EXOC4: variants seen among roughly 807,000 people sequenced by gnomAD.
EXOC4 encodes exocyst complex component 4, also known as SEC8-like 1.
EXOC4 carries 71 observed loss-of-function variants against 107.2 expected under a neutral mutation model. The ratio of observed to expected loss-of-function variants is 0.66; its 90% CI spans 0.55 to 0.81. The LOEUF (loss-of-function observed/expected upper bound fraction) is 0.81. EXOC4 is among the 30% of genes least tolerant of loss of function. The probability of loss-of-function intolerance (pLI) is 0.00; values close to 1 mark genes in which losing one functional copy is unlikely to be tolerated. For missense variants in EXOC4, 1,108 were observed against 1,189.6 expected (o/e 0.93, Z 1.01); for synonymous variants, 456 against 441.2 (o/e 1.03, Z -0.42).
At chr7:133,740,050 A>G (rs541284524) in intron 10 of EXOC4, among the ~76,000 whole-genome samples, 140 of 152,304 alleles carry the variant, frequency 9.2e-4, no homozygotes, top group African/African-American at 3.3e-3. Context: ...AAATTTCATC[A>G]TCAATTTATG....
At chr7:133,865,184 T>C (rs1373403514) in intron 11 of EXOC4, among the ~76,000 whole-genome samples, 1 of 152,172 alleles carries the variant, frequency 6.6e-6, no homozygotes, top group East Asian at 1.9e-4. Flanking sequence ...AGGTGGATTC[T>C]AAGATTTTTA....
At chr7:133,285,537 T>C (rs1794255669) in intron 2 of EXOC4, among the ~76,000 whole-genome samples, 2 of 152,216 alleles carry the variant, frequency 1.3e-5, no homozygotes, top group African/African-American at 4.8e-5. Context: ...AAATCCGATG[T>C]CATTCTGATT....
chr7:134,061,980 C>T (rs1251506302), intron 17 of EXOC4, among the ~76,000 whole-genome samples: 3 of 152,200 alleles, frequency 2.0e-5, no homozygotes, highest in Admixed American at 6.5e-5. Flanking sequence ...ACTGGGGTCT[C>T]ACACCCCTGG....
At chr7:133,670,603 C>T (rs1281691119) in intron 10 of EXOC4, among the ~76,000 whole-genome samples, 1 of 152,154 alleles carries the variant, frequency 6.6e-6, no homozygotes, top group Non-Finnish European at 1.5e-5. Context: ...TCTTCTTCCT[C>T]ACTGTGTAAC....
intron 10 of EXOC4, among the ~76,000 whole-genome samples, chr7:133,674,570 TTC>T (rs1231579052): frequency 6.6e-6 from 1 of 152,204 alleles, no homozygotes; most frequent in African/African-American, 2.4e-5. Context: ...TTTCTAATGT[TTC>T]TGTGTTACTC....
intron 7 of EXOC4, among the ~76,000 whole-genome samples, chr7:133,473,921 C>T (rs1032875995): frequency 5.3e-5 from 8 of 151,992 alleles, no homozygotes; most frequent in Non-Finnish European, 1.0e-4. Flanking sequence ...AGGATGCTCT[C>T]GATCTCCTGA....
At chr7:133,762,313 TA>T (rs1796048543) in intron 10 of EXOC4, among the ~76,000 whole-genome samples, 1 of 152,044 alleles carries the variant, frequency 6.6e-6, no homozygotes, top group Non-Finnish European at 1.5e-5. Flanking sequence ...ACCTAAAAAG[TA>T]AAAATCAAAT....
chr7:133,638,080 A>G (rs972017430), intron 10 of EXOC4, among the ~76,000 whole-genome samples: 1 of 152,150 alleles, frequency 6.6e-6, no homozygotes. Flanking sequence ...AAGATTTTTT[A>G]TCTATTTACA....
intron 3 of EXOC4, among the ~76,000 whole-genome samples, chr7:133,291,655 T>C (rs1399052313): frequency 6.6e-6 from 1 of 152,152 alleles, no homozygotes; most frequent in Non-Finnish European, 1.5e-5. Flanking sequence ...AGTGCTGGGA[T>C]TACAGCCGTG....
At chr7:133,848,712 C>A (rs556169417) in intron 11 of EXOC4, among the ~76,000 whole-genome samples, 1 of 152,312 alleles carries the variant, frequency 6.6e-6, no homozygotes, top group African/African-American at 2.4e-5. Context: ...TCTCTGGGAT[C>A]TAAAATGTTC....
chr7:133,776,417 G>T (rs1412118717), intron 10 of EXOC4, among the ~76,000 whole-genome samples: 1 of 152,058 alleles, frequency 6.6e-6, no homozygotes, highest in Non-Finnish European at 1.5e-5. Context: ...TGAACATCTT[G>T]TCTCTTGTTC....
intron 17 of EXOC4, among the ~76,000 whole-genome samples, chr7:134,042,933 C>T (rs1195172062): frequency 6.6e-6 from 1 of 152,128 alleles, no homozygotes; most frequent in Admixed American, 6.5e-5. Flanking sequence ...GCTACTGGTG[C>T]CGGGGGCTGA....
At chr7:134,097,167 A>G in the EXOC4 span, among the ~76,000 whole-genome samples, 99 of 152,118 alleles carry the variant, frequency 6.5e-4, no homozygotes, top group African/African-American at 2.4e-3. Context: ...AGAAAATCCA[A>G]CTCCCAATGA....
intron 10 of EXOC4, among the ~76,000 whole-genome samples, chr7:133,673,394 A>T (rs185322117): frequency 6.6e-6 from 1 of 152,256 alleles, no homozygotes; most frequent in Non-Finnish European, 1.5e-5. Context: ...TCATCTTTTA[A>T]TTCTTCTGGA....
At chr7:134,088,022 C>A in the EXOC4 span, among the ~76,000 whole-genome samples, 1 of 152,140 alleles carries the variant, frequency 6.6e-6, no homozygotes, top group East Asian at 1.9e-4. Context: ...CCTCAAATAC[C>A]TATAAGTTGA....
At chr7:133,847,889 T>G in intron 11 of EXOC4, among the ~76,000 whole-genome samples, 1 of 141,486 alleles carries the variant, frequency 7.1e-6, no homozygotes, top group Admixed American at 7.1e-5. Flanking sequence ...TTTTTTTTTT[T>G]TTTTTTTTTT....
intron 9 of EXOC4, among the ~76,000 whole-genome samples, chr7:133,523,496 G>T (rs1030033811): frequency 1.3e-5 from 2 of 150,602 alleles, no homozygotes; most frequent in East Asian, 3.9e-4. Context: ...CATTGTGCAG[G>T]TTAGTTACAT....
At chr7:133,761,610 T>C (rs1165100774) in intron 10 of EXOC4, among the ~76,000 whole-genome samples, 1 of 152,194 alleles carries the variant, frequency 6.6e-6, no homozygotes, top group Non-Finnish European at 1.5e-5. Flanking sequence ...GACCTAGGGC[T>C]AGACTATGTT....
In EXOC4 at chr7:133,851,507, T is replaced by C. The variant is rs559462831; in HGVS notation, c.1734+33963T>C. On this transcript the variant is annotated intron_variant, in intron 11 of 17. Transcript: ENST00000253861. ...CAGGGTGGCATGTTTTGATCAGTGA[T>C]GGGGAAAGCATCTCAGAAGGTGCCA... 6.6e-5 allele frequency among the ~76,000 whole-genome samples: 10 copies of C among 152,288 alleles called. No homozygotes were observed. The East Asian group carries it at 1.9e-3, about 29-fold the overall frequency.
Sources: gnomAD v4.1 joint callset for allele counts (sites outside exome capture counted in the v4.1 genomes callset) on GRCh38, gnomAD v4.1.1 for gene constraint, MANE v1.5 for transcripts, NCBI Gene and HGNC (gene_info 2026-07-23, HGNC 2026-07-21) for gene names.